SUN1: variants seen among roughly 807,000 people sequenced by gnomAD.
SUN1 encodes Sad1 and UNC84 domain containing 1, also known as SUN domain-containing protein 1.
Under a neutral mutation model 103.2 loss-of-function variants are expected in SUN1, and 61 were observed. That is an observed-to-expected ratio of 0.59 (90% CI 0.48 to 0.73). The LOEUF (loss-of-function observed/expected upper bound fraction) is 0.73, where lower values mean the gene tolerates loss of function less well. SUN1 is among the 30% of genes least tolerant of loss of function. SUN1 has a pLI of 0.00. For synonymous variants in SUN1, 490 were observed against 425.7 expected (o/e 1.15, Z -1.86); for missense variants, 1,052 against 1,034.6 (o/e 1.02, Z -0.23).
intron 5 of SUN1, among the ~76,000 whole-genome samples, chr7:847,575 C>T (rs1190535967): frequency 6.1e-5 from 2 of 32,814 alleles, no homozygotes; most frequent in Admixed American, 5.4e-4. Flanking sequence ...GGGGTTACCC[C>T]GCAGCGCCGT....
chr7:852,769 C>T (rs200318537), intron 8 of SUN1, 41 bp from the exon 9 acceptor site: 33 of 1,611,870 alleles, frequency 2.0e-5, no homozygotes, highest in African/African-American at 4.0e-5. Flanking sequence ...TTTTGAGAAG[C>T]GTGGTGTACC....
chr7:817,317 A>G, intron 1 of SUN1: 1 of 1,085,614 alleles, frequency 9.2e-7, no homozygotes, highest in Non-Finnish European at 1.4e-6. Flanking sequence ...TCGGACTCCT[A>G]GGCTCAAGCG....
At chr7:869,557 T>C in intron 17 of SUN1, 41 bp downstream of exon 17, 1 of 1,596,944 alleles carries the variant, frequency 6.3e-7, no homozygotes, top group Non-Finnish European at 8.6e-7. Flanking sequence ...CACACCTTCC[T>C]GGGAGTTCCC....
At chr7:867,127 G>A (rs767027221) in intron 16 of SUN1, among the ~76,000 whole-genome samples, 6 of 152,310 alleles carry the variant, frequency 3.9e-5, no homozygotes, top group Non-Finnish European at 8.8e-5. Context: ...TCATGATCTC[G>A]TCCCCAGGCT....
At chr7:843,784 C>G (rs937849024) in intron 5 of SUN1, 1 of 1,419,528 alleles carries the variant, frequency 7.0e-7, no homozygotes, top group African/African-American at 1.4e-5. Context: ...TCTACGTAAG[C>G]GAAACTAATA....
intron 1 of SUN1, among the ~76,000 whole-genome samples, chr7:822,549 A>G (rs4721502): frequency 0.38 from 57,402 of 151,922 alleles, 11,082 homozygotes; most frequent in African/African-American, 0.45. Context: ...CAGCCATTCT[A>G]TTTATTTTGA....
chr7:823,380 T>G (rs1239559971), intron 1 of SUN1, among the ~76,000 whole-genome samples: 2 of 151,960 alleles, frequency 1.3e-5, no homozygotes, highest in East Asian at 1.9e-4. Context: ...CTGCTGAACA[T>G]TAAGTGTGAG....
intron 1 of SUN1, among the ~76,000 whole-genome samples, chr7:825,186 G>A (rs573357941): frequency 2.3e-3 from 346 of 152,092 alleles, no homozygotes; most frequent in African/African-American, 7.9e-3. Flanking sequence ...AGCCTCCCGA[G>A]TAGCTGGGAC....
Position 873,178 on chromosome 7 carries a change from G to T in SUN1, c.2242-37G>T, listed in dbSNP as rs776624975. The T allele has an allele frequency of 5.0e-6, 8 of 1,584,346 alleles. No individual in the cohort carries two copies. The South Asian group carries it at 7.7e-5, about 15-fold the overall frequency. On this transcript the variant is annotated intron_variant, in intron 18 of 18. Transcript: ENST00000401592. ...TGATTGGACTTGGGGTTATTAATAT[G>T]AAATACATGTGTGTGTTTTTCCCAC...
At chr7:817,134 T>G (rs1343873501) in intron 1 of SUN1, 11 of 356,006 alleles carry the variant, frequency 3.1e-5, no homozygotes, top group South Asian at 5.6e-5. Context: ...GGGAAGACGG[T>G]TTTATTTAAG....
chr7:872,054 C>G (rs539321698), intron 17 of SUN1, among the ~76,000 whole-genome samples: 1 of 152,178 alleles, frequency 6.6e-6, no homozygotes, highest in Non-Finnish European at 1.5e-5. Flanking sequence ...TTCCCAAAGT[C>G]GGTCTTCTGT....
At chr7:817,956 C>G (rs1002386093) in intron 1 of SUN1, among the ~76,000 whole-genome samples, 6 of 151,918 alleles carry the variant, frequency 3.9e-5, no homozygotes, top group African/African-American at 1.5e-4. Flanking sequence ...TCCAGTATAT[C>G]TATTTAGCAT....
chr7:831,272 GCT>G (rs1491148919), upstream of SUN1, among the ~76,000 whole-genome samples: 16 of 120,336 alleles, frequency 1.3e-4, no homozygotes, highest in East Asian at 3.7e-3. Flanking sequence ...TTTGAAACGT[GCT>G]TTTTTTTTTT....
rs372946400 is a variant in SUN1 at position 855,254 on chromosome 7, G to A, written c.1350+248G>A. ...CAGAGCAGGGCTGCACACGCCAGGA[G>A]GTGGTTCTGCCGATTCCAGGCGGCC... On this transcript the variant is annotated intron_variant, in intron 11 of 18. Coordinates refer to ENST00000401592, the MANE Select transcript of SUN1 (RefSeq NM_001130965.3). Among the ~76,000 whole-genome samples, 11 of 152,258 alleles carry A rather than the reference G, an allele frequency of 7.2e-5. No homozygotes were observed. The East Asian group carries it at 2.1e-3, about 29-fold the overall frequency.
exon 1 of SUN1, chr7:816,627 C>A: frequency 2.7e-6 from 1 of 365,870 alleles, no homozygotes; most frequent in Non-Finnish European, 5.4e-6. Flanking sequence ...AGCGTCTTCT[C>A]GGGCCTGGGC....
At chr7:828,846 C>T (rs570578817), upstream of SUN1, among the ~76,000 whole-genome samples, 1 of 152,338 alleles carries the variant, frequency 6.6e-6, no homozygotes, top group East Asian at 1.9e-4. Context: ...TCCCACAGTC[C>T]CCTCTGTGCA....
Position 854,062 on chromosome 7 carries a change from G to A in SUN1, c.1263+444G>A, listed in dbSNP as rs191791841. 3.7e-3 allele frequency among the ~76,000 whole-genome samples: 562 copies of A among 152,322 alleles called. 3 individuals are homozygous for A. The highest frequency in any genetic ancestry group is 0.012 in the African/African-American group (507 of 41,562). ...GATGCTCCCACCCACTGCAGGGATC[G>A]CGTGGGGGGACCCAGGAACCTCTGC... On this transcript the variant is annotated intron_variant, in intron 10 of 18. Transcript: ENST00000401592.
intron 9 of SUN1, 103 bp downstream of exon 9, chr7:853,055 TAAG>T: frequency 7.0e-7 from 1 of 1,424,466 alleles, no homozygotes; most frequent in Non-Finnish European, 9.3e-7. Flanking sequence ...TGTCCTGTTG[TAAG>T]AAGTATTTTT....
In SUN1 at chr7:842,040, A is replaced by G. The variant is rs753262058; in HGVS notation, c.361A>G (p.Thr121Ala). The G allele has an allele frequency of 6.2e-6, 10 of 1,614,110 alleles. No individual in the cohort carries two copies. The highest frequency in any genetic ancestry group is 7.6e-6 in the Non-Finnish European group (9 of 1,180,050). ...VTSSGVSHGG[T>A]VSLQDAVTRR... ...GTCCTCTGGCGTCAGCCACGGCGGC[A>G]CTGTCAGCCTGCAGGATGCTGTGAC... Residue 121 changes from threonine to alanine, a missense_variant, in exon 3 of 19, where the codon ACT becomes GCT. Coordinates refer to ENST00000401592, the MANE Select transcript of SUN1 (RefSeq NM_001130965.3).
Sources: gnomAD v4.1 joint callset for allele counts (sites outside exome capture counted in the v4.1 genomes callset) on GRCh38, gnomAD v4.1.1 for gene constraint, MANE v1.5 for transcripts, NCBI Gene and HGNC (gene_info 2026-07-23, HGNC 2026-07-21) for gene names.